SPIN1: variants seen among roughly 807,000 people sequenced by gnomAD.
SPIN1 encodes the protein spindlin-1.
SPIN1 carries 3 observed loss-of-function variants against 26.0 expected under a neutral mutation model. That is an observed-to-expected ratio of 0.12 (90% CI 0.05 to 0.30). The LOEUF is 0.30. Among genes scored for constraint, SPIN1 ranks in the 10% least tolerant of loss-of-function variants. SPIN1 has a pLI of 1.00. For synonymous variants in SPIN1, 101 were observed against 116.5 expected (o/e 0.87, Z 0.86); for missense variants, 126 against 333.4 (o/e 0.38, Z 4.84).
chr9:88,419,835 T>C (rs914807984), intron 1 of SPIN1, among the ~76,000 whole-genome samples: 1 of 152,250 alleles, frequency 6.6e-6, no homozygotes, highest in Non-Finnish European at 1.5e-5. Flanking sequence ...GAGCCACTCA[T>C]GCTGAGGTTC....
At chr9:88,436,949 TAG>T (rs1239476942) in intron 2 of SPIN1, among the ~76,000 whole-genome samples, 1 of 151,526 alleles carries the variant, frequency 6.6e-6, no homozygotes, top group African/African-American at 2.4e-5. Context: ...GTATTTTTAG[TAG>T]AGACGGGGTT....
At chr9:88,414,891 T>G (rs1827527284) in intron 1 of SPIN1, among the ~76,000 whole-genome samples, 1 of 152,096 alleles carries the variant, frequency 6.6e-6, no homozygotes, top group African/African-American at 2.4e-5. Context: ...ATTTAGTGGT[T>G]TAGGGTGTTT....
At chr9:88,468,715 G>T (rs77670820) in intron 5 of SPIN1, 110 bp downstream of exon 5, 2 of 624,194 alleles carry the variant, frequency 3.2e-6, no homozygotes, top group South Asian at 5.7e-5. Context: ...TTGGATATAT[G>T]ATTCTTTTAG....
intron 2 of SPIN1, among the ~76,000 whole-genome samples, chr9:88,431,017 G>T (rs1301895334): frequency 2.0e-5 from 3 of 151,632 alleles, no homozygotes; most frequent in African/African-American, 4.8e-5. Context: ...CAAGTGGCTG[G>T]GATTACAGGC....
chr9:88,473,656 T>C (rs1828834158), intron 5 of SPIN1, among the ~76,000 whole-genome samples: 1 of 152,002 alleles, frequency 6.6e-6, no homozygotes, highest in South Asian at 2.1e-4. Flanking sequence ...TGTGTGTGTG[T>C]GTGTGCACGC....
intron 3 of SPIN1, among the ~76,000 whole-genome samples, chr9:88,453,955 GTTTT>G (rs565380710): frequency 6.6e-6 from 1 of 152,064 alleles, no homozygotes; most frequent in Non-Finnish European, 1.5e-5. Flanking sequence ...TACAAGAAAA[GTTTT>G]TTTTAGCCAT....
At chr9:88,410,743 C>A in intron 1 of SPIN1, 2 of 1,327,428 alleles carry the variant, frequency 1.5e-6, no homozygotes, top group Non-Finnish European at 2.1e-6. Context: ...AAAATTGCTT[C>A]CACCATTACC....
At chr9:88,442,178 G>T (rs999238166) in intron 2 of SPIN1, among the ~76,000 whole-genome samples, 1 of 151,630 alleles carries the variant, frequency 6.6e-6, no homozygotes, top group Non-Finnish European at 1.5e-5. Context: ...GTCTGTTGGT[G>T]ACAAATTTCA....
intron 1 of SPIN1, chr9:88,391,417 C>T (rs1826917720): frequency 5.9e-6 from 1 of 169,540 alleles, no homozygotes; most frequent in Non-Finnish European, 1.3e-5. Context: ...CTCAGGCTAT[C>T]TATGATAACA....
chr9:88,397,120 T>G (rs1827082267), intron 1 of SPIN1, among the ~76,000 whole-genome samples: 1 of 152,134 alleles, frequency 6.6e-6, no homozygotes, highest in African/African-American at 2.4e-5. Flanking sequence ...ACAGTTAGGC[T>G]ACACTAAATT....
At chr9:88,448,425 C>T (rs1432006250) in intron 2 of SPIN1, among the ~76,000 whole-genome samples, 3 of 152,160 alleles carry the variant, frequency 2.0e-5, no homozygotes, top group Non-Finnish European at 2.9e-5. Flanking sequence ...AAACACAGCT[C>T]ACTGCAACCT....
intron 1 of SPIN1, among the ~76,000 whole-genome samples, chr9:88,414,346 C>G (rs1342931230): frequency 6.6e-6 from 1 of 152,194 alleles, no homozygotes; most frequent in Non-Finnish European, 1.5e-5. Context: ...CCCCCCACCT[C>G]CACATCCTGA....
intron 4 of SPIN1, among the ~76,000 whole-genome samples, chr9:88,467,953 A>G (rs1298572478): frequency 6.6e-6 from 1 of 152,096 alleles, no homozygotes; most frequent in Non-Finnish European, 1.5e-5. Flanking sequence ...AAGCAAAGTG[A>G]ACCGTATACA....
At chr9:88,447,377 T>C (rs935250636) in intron 2 of SPIN1, among the ~76,000 whole-genome samples, 1 of 152,052 alleles carries the variant, frequency 6.6e-6, no homozygotes, top group East Asian at 1.9e-4. Context: ...AATCTGCTAC[T>C]TTTTTTTGTG....
In SPIN1 at chr9:88,478,449, G is replaced by C. The variant is rs1321655602; in HGVS notation, c.*3172G>C. 3 of 152,618 alleles carry C rather than the reference G, an allele frequency of 2.0e-5. No homozygotes were observed. Among genetic ancestry groups the C allele is most frequent in the African/African-American group, 7.2e-5 (3 of 41,450 alleles). 9.5% of individuals were successfully genotyped at this position (152,618 alleles called of 1,614,324 possible). A position where few individuals can be genotyped will look rare whatever the true frequency, so the allele number is the denominator to read the frequency against. ...TGTTTTTCCATCATTAGTGCAGTTG[G>C]AATGAATGTGTATAGGTCAGAGGTC... On this transcript the variant is annotated 3_prime_UTR_variant, in exon 6 of 6. Transcript: ENST00000375859.
chr9:88,459,031 C>T (rs1013064028), intron 3 of SPIN1, among the ~76,000 whole-genome samples: 1 of 152,132 alleles, frequency 6.6e-6, no homozygotes, highest in African/African-American at 2.4e-5. Context: ...ACAAAGTTAA[C>T]CACCATATGG....
intron 1 of SPIN1, among the ~76,000 whole-genome samples, chr9:88,397,696 A>T (rs376351155): frequency 2.0e-5 from 3 of 150,810 alleles, no homozygotes; most frequent in African/African-American, 7.3e-5. Context: ...GTCTCAGCTC[A>T]CTGCAGTCTC....
At chr9:88,442,458 C>T (rs539853996) in intron 2 of SPIN1, among the ~76,000 whole-genome samples, 1 of 150,696 alleles carries the variant, frequency 6.6e-6, no homozygotes, top group East Asian at 2.0e-4. Context: ...GGCTGGAATG[C>T]AGTGGCCTGA....
intron 1 of SPIN1, among the ~76,000 whole-genome samples, chr9:88,421,600 C>T (rs1344191532): frequency 4.3e-5 from 6 of 138,766 alleles, no homozygotes; most frequent in East Asian, 2.6e-4. Context: ...TTGTAGCTTT[C>T]GCCAGCCCCC....
Sources: gnomAD v4.1 joint callset for allele counts (sites outside exome capture counted in the v4.1 genomes callset) on GRCh38, gnomAD v4.1.1 for gene constraint, MANE v1.5 for transcripts, NCBI Gene and HGNC (gene_info 2026-07-23, HGNC 2026-07-21) for gene names.